ARHGAP17: variants seen among roughly 807,000 people sequenced by gnomAD.
The protein encoded by ARHGAP17 is Rho GTPase activating protein 17.
Under a neutral mutation model 99.5 loss-of-function variants are expected in ARHGAP17, and 57 were observed. That is an observed-to-expected ratio of 0.57 (90% CI 0.46 to 0.71). The LOEUF (loss-of-function observed/expected upper bound fraction) is 0.71. Ranked by LOEUF, ARHGAP17 falls within the 30% of genes least tolerant of loss-of-function variation. ARHGAP17 has a pLI of 0.00. For missense variants in ARHGAP17, 1,000 were observed against 1,122.4 expected, an observed-to-expected ratio of 0.89 and a Z score of 1.56; for synonymous variants, 417 against 429.6, an observed-to-expected ratio of 0.97 and a Z score of 0.36.
At chr16:24,953,137 C>T in intron 10 of ARHGAP17, 95 bp from the exon 11 acceptor site, 1 of 1,102,178 alleles carries the variant, frequency 9.1e-7, no homozygotes, top group Admixed American at 2.0e-5. Flanking sequence ...GACTTCCGCT[C>T]ACCTCCTGTC....
At chr16:24,950,267 G>A (rs985717831) in intron 12 of ARHGAP17, among the ~76,000 whole-genome samples, 3 of 152,150 alleles carry the variant, frequency 2.0e-5, no homozygotes, top group African/African-American at 7.2e-5. Flanking sequence ...TATACCAACA[G>A]ATAGACGCCT....
intron 1 of ARHGAP17, among the ~76,000 whole-genome samples, chr16:24,991,693 G>C (rs1230023624): frequency 6.6e-6 from 1 of 152,194 alleles, no homozygotes; most frequent in Admixed American, 6.5e-5. Flanking sequence ...TGCTAAGGAA[G>C]CTATAGAAAC....
intron 1 of ARHGAP17, among the ~76,000 whole-genome samples, chr16:24,997,456 G>T (rs770844070): frequency 5.3e-5 from 8 of 152,222 alleles, no homozygotes; most frequent in Non-Finnish European, 1.0e-4. Flanking sequence ...ACCCAGATGC[G>T]CATTCTCTAT....
chr16:24,938,601 C>T (rs1236451185), intron 17 of ARHGAP17, among the ~76,000 whole-genome samples: 1 of 151,588 alleles, frequency 6.6e-6, no homozygotes, highest in African/African-American at 2.4e-5. Flanking sequence ...ATGTTTACCC[C>T]ATCTTTACAA....
At chr16:24,971,508 A>G (rs904565750) in intron 3 of ARHGAP17, among the ~76,000 whole-genome samples, 2 of 151,958 alleles carry the variant, frequency 1.3e-5, no homozygotes, top group African/African-American at 4.8e-5. Context: ...CTGTACTTTT[A>G]GCAGAAACAG....
At chr16:24,939,290 G>A (rs192578622) in intron 17 of ARHGAP17, 74 bp downstream of exon 17, 37 of 1,367,940 alleles carry the variant, frequency 2.7e-5, no homozygotes, top group African/African-American at 4.3e-5. Flanking sequence ...CATGGATGCC[G>A]TGCTCAAAGG....
rs1433469558 is a variant in ARHGAP17 at position 25,013,409 on chromosome 16, G to A, written c.53+1800C>T. 1.3e-5 allele frequency among the ~76,000 whole-genome samples: 2 copies of A among 152,154 alleles called. 1 individual carries two copies. On this transcript the variant is annotated intron_variant, in intron 1 of 19. Transcript: ENST00000289968. The stretch of plus-strand genomic sequence containing the variant: ...AGGCCAAGGCAGGCAGATCAGTTGA[G>A]GCCAGGAGTTCGAGACCACCCTAGG...
At chr16:24,959,186 G>C (rs773754254) in intron 9 of ARHGAP17, among the ~76,000 whole-genome samples, 5 of 152,202 alleles carry the variant, frequency 3.3e-5, no homozygotes, top group Non-Finnish European at 5.9e-5. Context: ...TGAACGAAGC[G>C]ACCACGGTCT....
intron 3 of ARHGAP17, 61 bp downstream of exon 3, chr16:24,977,154 G>C (rs2052543775): frequency 7.3e-7 from 1 of 1,362,198 alleles, no homozygotes; most frequent in Non-Finnish European, 9.7e-7. Context: ...AACCAATCCA[G>C]GGGTTGAAAA....
At chr16:25,001,835 G>A (rs1226501406) in intron 1 of ARHGAP17, among the ~76,000 whole-genome samples, 1 of 152,144 alleles carries the variant, frequency 6.6e-6, no homozygotes, top group African/African-American at 2.4e-5. Flanking sequence ...TGCAATCCCA[G>A]CACTTTGGGA....
chr16:24,961,988 A>G (rs949808409), intron 7 of ARHGAP17, among the ~76,000 whole-genome samples: 1 of 139,618 alleles, frequency 7.2e-6, no homozygotes, highest in Non-Finnish European at 1.5e-5. Context: ...TTTTTAATGT[A>G]ATGACTTCTG....
Position 24,993,437 on chromosome 16 carries a change from A to AAATTAGCT in ARHGAP17, c.54-14440_54-14433dup, listed in dbSNP as rs202157906. The stretch of plus-strand genomic sequence containing the variant: ...CCCATTTCTACTAAAATACAAAAAA[A>AAATTAGCT]AATTAGCTGGGCATGGTGGTAGGCA... On this transcript the variant is annotated intron_variant, in intron 1 of 19. Coordinates refer to ENST00000289968, the MANE Select transcript of ARHGAP17 (RefSeq NM_001006634.3). Among the ~76,000 whole-genome samples, 140 of 152,264 alleles carry AAATTAGCT rather than the reference A, an allele frequency of 9.2e-4. 4 individuals are homozygous for AAATTAGCT. The East Asian group carries it at 0.025, about 28-fold the overall frequency.
intron 10 of ARHGAP17, 46 bp downstream of exon 10, chr16:24,954,557 A>T: frequency 6.3e-7 from 1 of 1,586,848 alleles, no homozygotes; most frequent in Non-Finnish European, 8.6e-7. Context: ...TGGGTACAAC[A>T]AGGGGCATGG....
intron 13 of ARHGAP17, among the ~76,000 whole-genome samples, chr16:24,948,361 T>G (rs2051535568): frequency 6.6e-6 from 1 of 152,170 alleles, no homozygotes; most frequent in South Asian, 2.1e-4. Context: ...AGAGGATATA[T>G]AAGAAACTGT....
At position 24,964,205 on chromosome 16, in the gene ARHGAP17, G is replaced by A; in HGVS notation, c.565C>T (p.Gln189Ter). The change falls in exon 7 of 20, where the codon CAG becomes TAG. Residue 189 changes from glutamine (Q) to a stop codon, truncating the protein, a stop_gained. Transcript: ENST00000289968. LOFTEE classifies it high-confidence loss of function. ...TCAAGGAATTCTCATACCTTGCACT[G>A]TTCTACTTTATTTCCAGCTTCATCC... The part of the protein sequence containing the change: ...EMDEAGNKVE[Q>*]CKDQLAADMY... 1 of 1,609,220 alleles carries A rather than the reference G, an allele frequency of 6.2e-7. No homozygotes were observed. The highest frequency in any genetic ancestry group is 1.1e-5 in the South Asian group (1 of 90,732).
rs570198382 is a variant in ARHGAP17 at position 24,996,682 on chromosome 16, A to G, written c.54-17677T>C. Among the ~76,000 whole-genome samples the G allele has an allele frequency of 1.4e-4, 22 of 152,312 alleles. 1 individual carries two copies. The highest frequency in any genetic ancestry group is 1.0e-3 in the Admixed American group (16 of 15,292). On this transcript the variant is annotated intron_variant, in intron 1 of 19. Coordinates refer to ENST00000289968, the MANE Select transcript of ARHGAP17 (RefSeq NM_001006634.3). Reference sequence around the variant, plus strand: ...CCGTTCACCACCTAAGAGCGGGGTAATCTCTGTGTCTCCATTTCCTTTCCC... The same window carrying G: ...CCGTTCACCACCTAAGAGCGGGGTAGTCTCTGTGTCTCCATTTCCTTTCCC...
intron 1 of ARHGAP17, among the ~76,000 whole-genome samples, chr16:24,995,180 C>T (rs2053158717): frequency 6.6e-6 from 1 of 152,142 alleles, no homozygotes; most frequent in Non-Finnish European, 1.5e-5. Context: ...TTCCACGACA[C>T]GTGGGGATTA....
intron 19 of ARHGAP17, among the ~76,000 whole-genome samples, chr16:24,923,220 A>T (rs1355177630): frequency 6.6e-6 from 1 of 152,192 alleles, no homozygotes; most frequent in Admixed American, 6.5e-5. Flanking sequence ...TCCCCAGAGG[A>T]GTCTGTAAAT....
chr16:24,951,419 A>G lies in ARHGAP17; in HGVS notation c.1046+870T>C, dbSNP rs531312262. On this transcript the variant is annotated intron_variant, in intron 12 of 19. Coordinates refer to ENST00000289968, the MANE Select transcript of ARHGAP17 (RefSeq NM_001006634.3). ...TGAGCACAGTACTTAGCACAAGAAA[A>G]TGCTCAGTAAATATTAATGTCATCA... Among the ~76,000 whole-genome samples the G allele has an allele frequency of 8.5e-5, 13 of 152,352 alleles. No homozygotes were observed. In the East Asian group the frequency reaches 1.3e-3, roughly 16 times the overall value.
Sources: gnomAD v4.1 joint callset for allele counts (sites outside exome capture counted in the v4.1 genomes callset) on GRCh38, gnomAD v4.1.1 for gene constraint, MANE v1.5 for transcripts, NCBI Gene and HGNC (gene_info 2026-07-23, HGNC 2026-07-21) for gene names.